PRKCE: variants seen among roughly 807,000 people sequenced by gnomAD.
PRKCE encodes the protein protein kinase C epsilon type.
In PRKCE, 16 loss-of-function variants were observed where a neutral mutation model predicts 85.4. That is an observed-to-expected ratio of 0.19 (90% CI 0.13 to 0.28). The LOEUF (loss-of-function observed/expected upper bound fraction) is 0.28. Among genes scored for constraint, PRKCE ranks in the 10% least tolerant of loss-of-function variants. The pLI is 1.00. For synonymous variants in PRKCE, 388 were observed against 371.5 expected, an observed-to-expected ratio of 1.04 and a Z score of -0.51; for missense variants, 573 against 975.2, an observed-to-expected ratio of 0.59 and a Z score of 5.49.
rs544174477 is a variant in PRKCE at position 45,845,052 on chromosome 2, A to C, written c.412+1989A>C. Among the ~76,000 whole-genome samples the C allele has an allele frequency of 2.7e-5, 4 of 146,672 alleles. No homozygotes were observed. The Admixed American group carries it at 2.8e-4, about 10-fold the overall frequency. ...TGTGTTGCTCTGAAGAAAAGAAGAC[A>C]TTTTTCTACTTTTTTTTTTTTTTTT... On this transcript the variant is annotated intron_variant, in intron 2 of 14. Transcript: ENST00000306156.
At chr2:46,180,896 C>T (rs1399114557) in intron 14 of PRKCE, among the ~76,000 whole-genome samples, 3 of 152,296 alleles carry the variant, frequency 2.0e-5, no homozygotes, top group Non-Finnish European at 4.4e-5. Flanking sequence ...TTCAGCCTTC[C>T]CTAAGTGTGG....
At position 46,017,237 on chromosome 2, in the gene PRKCE, G is replaced by C. The variant is rs1350323716; in HGVS notation, c.1437+6720G>C. On this transcript the variant is annotated intron_variant, in intron 10 of 14. Transcript: ENST00000306156. ...CCTATTCCCTCTCCCCACAGCCCTT[G>C]GCAACAGCCACTCTGTCAGTCTCAA... 2.0e-5 allele frequency among the ~76,000 whole-genome samples: 3 copies of C among 151,906 alleles called. No homozygotes were observed. In the East Asian group the frequency reaches 5.8e-4, roughly 29 times the overall value.
intron 1 of PRKCE, among the ~76,000 whole-genome samples, chr2:45,835,495 G>A (rs142296382): frequency 0.013 from 1,987 of 151,936 alleles, 17 homozygotes; most frequent in Middle Eastern, 0.027. Flanking sequence ...TGTTTTGCCC[G>A]TTCTAGAACA....
At chr2:45,881,152 CAAA>C (rs770824515) in intron 2 of PRKCE, among the ~76,000 whole-genome samples, 3 of 91,442 alleles carry the variant, frequency 3.3e-5, no homozygotes. Flanking sequence ...GACTCCGTCT[CAAA>C]AAAAAAAAAA....
At chr2:45,983,964 G>A (rs1389050995) in intron 5 of PRKCE, among the ~76,000 whole-genome samples, 2 of 140,836 alleles carry the variant, frequency 1.4e-5, no homozygotes, top group Non-Finnish European at 3.0e-5. Flanking sequence ...TTGAGACAGA[G>A]TCTTGCTCTG....
chr2:45,743,994 G>GTGTT (rs771022827), intron 1 of PRKCE, among the ~76,000 whole-genome samples: 1 of 131,888 alleles, frequency 7.6e-6, no homozygotes, highest in Admixed American at 7.1e-5. Context: ...GCCGTTGTGT[G>GTGTT]TTTTTTTTTT....
At position 46,184,402 on chromosome 2, in the gene PRKCE, G is replaced by A. The variant is rs559768980; in HGVS notation, c.2068-333G>A. On this transcript the variant is annotated intron_variant, in intron 14 of 14. Transcript: ENST00000306156. The surrounding 1 kb of genome is among the most constrained non-coding windows in gnomAD (Gnocchi z 5.0). ...GTTACAGCAGTTGCTGAAAGAGGGT[G>A]TGAGATGGGACCTTTGCATCATACA... Among the ~76,000 whole-genome samples, 2 of 150,608 alleles carry A rather than the reference G, an allele frequency of 1.3e-5. No homozygotes were observed. Among genetic ancestry groups the A allele is most frequent in the African/African-American group, 4.9e-5 (2 of 40,788 alleles).
At chr2:45,941,065 T>TAAAAAAAAAAAAAAAAAAAAA (rs397781944) in intron 2 of PRKCE, among the ~76,000 whole-genome samples, 5 of 67,160 alleles carry the variant, frequency 7.4e-5, no homozygotes, top group East Asian at 1.1e-3. Context: ...GACTTCATCC[T>TAAAAAAAAAAAAAAAAAAAAA]AAAAAAAAAA....
Position 45,652,537 on chromosome 2 carries a change from C to G in PRKCE, c.348+89C>G, listed in dbSNP as rs1020200251. On this transcript the variant is annotated intron_variant, in intron 1 of 14. Coordinates refer to ENST00000306156, the MANE Select transcript of PRKCE (RefSeq NM_005400.3). The surrounding 1 kb of genome is among the most constrained non-coding windows in gnomAD (Gnocchi z 7.7). ...TGGTCTTGATCGTAGGGCTCCGGGA[C>G]TTATTGACGACTGGGGTGTGTGTGC... 8.0e-5 allele frequency: 101 copies of G among 1,259,530 alleles called. No homozygotes were observed. Among genetic ancestry groups the G allele is most frequent in the Non-Finnish European group, 1.0e-4 (97 of 927,838 alleles). 78.0% of individuals were successfully genotyped at this position (1,259,530 alleles called of 1,614,324 possible). A position where few individuals can be genotyped will look rare whatever the true frequency, so the allele number is the denominator to read the frequency against.
At chr2:46,158,371 A>G (rs1677423122) in intron 13 of PRKCE, among the ~76,000 whole-genome samples, 1 of 152,178 alleles carries the variant, frequency 6.6e-6, no homozygotes, top group Non-Finnish European at 1.5e-5. Context: ...CTGTGTGCCA[A>G]ACTAAGGAGT....
At chr2:45,658,932 T>C (rs1675509350) in intron 1 of PRKCE, among the ~76,000 whole-genome samples, 1 of 152,230 alleles carries the variant, frequency 6.6e-6, no homozygotes, top group Non-Finnish European at 1.5e-5. Flanking sequence ...GCGGTCATTG[T>C]AGACAAAGGT....
At chr2:45,902,095 C>A (rs1020224406) in intron 2 of PRKCE, among the ~76,000 whole-genome samples, 1 of 152,186 alleles carries the variant, frequency 6.6e-6, no homozygotes, top group Non-Finnish European at 1.5e-5. Context: ...AAATCTCCAA[C>A]CCTCTCAGGT....
At chr2:45,744,273 C>G (rs983700961) in intron 1 of PRKCE, among the ~76,000 whole-genome samples, 17 of 152,240 alleles carry the variant, frequency 1.1e-4, no homozygotes, top group African/African-American at 4.1e-4. Flanking sequence ...TTAGGACTAT[C>G]AAGTAGAGTG....
At chr2:45,901,963 A>C (rs920279573) in intron 2 of PRKCE, among the ~76,000 whole-genome samples, 1 of 152,212 alleles carries the variant, frequency 6.6e-6, no homozygotes, top group Admixed American at 6.5e-5. Flanking sequence ...TCTTTGCCTT[A>C]GGATAGTGAA....
intron 10 of PRKCE, among the ~76,000 whole-genome samples, chr2:46,022,556 C>T (rs1203372019): frequency 6.6e-6 from 1 of 152,290 alleles, no homozygotes; most frequent in East Asian, 1.9e-4. Flanking sequence ...CCATGTAACC[C>T]GAATTTTTCA....
chr2:45,831,644 T>C (rs1197404212), intron 1 of PRKCE, among the ~76,000 whole-genome samples: 3 of 152,180 alleles, frequency 2.0e-5, no homozygotes, highest in Non-Finnish European at 4.4e-5. Context: ...TCTTCTATCA[T>C]AGCAGCAAGG....
At chr2:45,664,955 G>C (rs1675843729) in intron 1 of PRKCE, among the ~76,000 whole-genome samples, 1 of 152,180 alleles carries the variant, frequency 6.6e-6, no homozygotes, top group South Asian at 2.1e-4. Flanking sequence ...TTGTTCAGTT[G>C]TCCTGGGCCA....
intron 2 of PRKCE, among the ~76,000 whole-genome samples, chr2:45,920,568 G>T (rs982204313): frequency 1.3e-5 from 2 of 152,322 alleles, no homozygotes; most frequent in African/African-American, 4.8e-5. Flanking sequence ...CCATAAAAAG[G>T]AATGAAGCAC....
chr2:45,865,215 C>G (rs1693489758), intron 2 of PRKCE, among the ~76,000 whole-genome samples: 1 of 152,156 alleles, frequency 6.6e-6, no homozygotes. Context: ...TGTAGAAAGA[C>G]TTGAAAGCAG....
Sources: allele counts gnomAD v4.1 joint callset (sites outside exome capture counted in the v4.1 genomes callset), GRCh38; gene constraint gnomAD v4.1.1; non-coding constraint Gnocchi (gnomAD v3.1); transcripts MANE v1.5; gene names NCBI Gene and HGNC (gene_info 2026-07-23, HGNC 2026-07-21).